CCDC77: variants seen among roughly 807,000 people sequenced by gnomAD.
The protein encoded by CCDC77 is coiled-coil domain containing 77.
Under a neutral mutation model 66.8 loss-of-function variants are expected in CCDC77, and 56 were observed. The observed-to-expected ratio is 0.84, with a 90% CI of 0.68 to 1.05. CCDC77 has a LOEUF of 1.05. Ranked by LOEUF, CCDC77 falls within the 50% of genes least tolerant of loss-of-function variation. The pLI is 0.00. For missense variants in CCDC77, 570 were observed against 576.8 expected, an observed-to-expected ratio of 0.99 and a Z score of 0.12; for synonymous variants, 196 against 195.2, an observed-to-expected ratio of 1.00 and a Z score of -0.03.
At chr12:428,249 C>A (rs1216193287) in intron 5 of CCDC77, among the ~76,000 whole-genome samples, 2 of 151,866 alleles carry the variant, frequency 1.3e-5, no homozygotes, top group Admixed American at 1.3e-4. Flanking sequence ...GCAGTGGCTC[C>A]CGCCTGTAAT....
chr12:413,234 G>A (rs928669997), intron 4 of CCDC77, among the ~76,000 whole-genome samples: 17 of 149,018 alleles, frequency 1.1e-4, no homozygotes, highest in Admixed American at 8.1e-4. Flanking sequence ...AACCGTGCCC[G>A]GCCTGTTTTT....
intron 5 of CCDC77, among the ~76,000 whole-genome samples, chr12:423,494 G>GTTTTTTTTT (rs56233976): frequency 8.5e-5 from 3 of 35,414 alleles, no homozygotes; most frequent in Admixed American, 7.7e-4. Context: ...TTTTTGTTTT[G>GTTTTTTTTT]TTTTTTTTTT....
intron 8 of CCDC77, 61 bp from the exon 9 acceptor site, chr12:433,113 C>G (rs1291412940): frequency 1.3e-6 from 2 of 1,514,530 alleles, no homozygotes; most frequent in Non-Finnish European, 1.8e-6. Context: ...CTCACTTTTC[C>G]TAGAGGTATG....
At chr12:436,239 T>A (rs1317793218) in intron 9 of CCDC77, among the ~76,000 whole-genome samples, 7 of 150,230 alleles carry the variant, frequency 4.7e-5, no homozygotes, top group Admixed American at 3.4e-4. Context: ...TGCCTCAGCC[T>A]CCTGAGTAGC....
chr12:436,018 A>T (rs1322809136), intron 9 of CCDC77, among the ~76,000 whole-genome samples: 2 of 151,778 alleles, frequency 1.3e-5, no homozygotes, highest in African/African-American at 4.8e-5. Flanking sequence ...GAGATTACAG[A>T]CATGAGCCAC....
intron 1 of CCDC77, among the ~76,000 whole-genome samples, chr12:403,368 A>G (rs1175534661): frequency 6.6e-6 from 1 of 152,254 alleles, no homozygotes; most frequent in Non-Finnish European, 1.5e-5. Flanking sequence ...AACCTATGAC[A>G]TAGAAGTAAC....
intron 7 of CCDC77, among the ~76,000 whole-genome samples, chr12:431,212 C>CTTTTTTTTTTTTTTT (rs61068771): frequency 1.7e-5 from 2 of 115,778 alleles, no homozygotes; most frequent in Non-Finnish European, 1.9e-5. Flanking sequence ...TTGCTCAGTT[C>CTTTTTTTTTTTTTTT]TTTTTTTTTT....
In CCDC77 at chr12:411,908, C is replaced by T. The variant is rs140224195; in HGVS notation, c.200C>T (p.Ala67Val). Residue 67 changes from alanine to valine, a missense_variant, in exon 4 of 13, where the codon GCT (alanine) becomes GTT (valine). Coordinates refer to ENST00000239830, the MANE Select transcript of CCDC77 (RefSeq NM_032358.4). The part of the protein sequence containing the change: ...ELLEYYQKKM[A>V]ECEAENEDLL... ...CTGGAATATTATCAAAAGAAGATGG[C>T]TGAGTGTGAGGCAGAAAATGAGGAC... 2.6e-5 allele frequency: 42 copies of T among 1,613,802 alleles called. No individual in the cohort carries two copies. Among genetic ancestry groups the T allele is most frequent in the Non-Finnish European group, 3.5e-5 (41 of 1,179,988 alleles).
chr12:432,171 C>T (rs1000549664), intron 8 of CCDC77, among the ~76,000 whole-genome samples: 1 of 152,150 alleles, frequency 6.6e-6, no homozygotes, highest in Non-Finnish European at 1.5e-5. Flanking sequence ...TACTCTGAAC[C>T]TTCAATTCAA....
intron 1 of CCDC77, among the ~76,000 whole-genome samples, chr12:391,551 AAAAC>A (rs1375895538): frequency 1.3e-5 from 2 of 152,258 alleles, no homozygotes; most frequent in African/African-American, 4.8e-5. Flanking sequence ...AATTCCGAAT[AAAAC>A]AAGCCACTGA....
chr12:418,055 G>A lies in CCDC77; in HGVS notation c.271-439G>A, dbSNP rs148067926. Among the ~76,000 whole-genome samples the A allele has an allele frequency of 2.7e-3, 413 of 152,210 alleles. 14 individuals carry two copies. The East Asian group carries it at 0.071, about 26-fold the overall frequency. On this transcript the variant is annotated intron_variant, in intron 4 of 12. Coordinates refer to ENST00000239830, the MANE Select transcript of CCDC77 (RefSeq NM_032358.4). The stretch of plus-strand genomic sequence containing the variant: ...CAGTCAAGGCTGGGCATGGTGGCTC[G>A]TGCCTATAATCCCAGTACTTTGGGA...
intron 5 of CCDC77, among the ~76,000 whole-genome samples, chr12:422,673 G>GGAGCTCAGCTCACTGTAAC (rs1945426324): frequency 6.6e-6 from 1 of 152,194 alleles, no homozygotes; most frequent in Non-Finnish European, 1.5e-5. Context: ...ATCCACCAGT[G>GGAGCTCAGCTCACTGTAAC]GAGCTCAGCT....
At chr12:401,233 T>C (rs1944889438), upstream of CCDC77, among the ~76,000 whole-genome samples, 1 of 152,206 alleles carries the variant, frequency 6.6e-6, no homozygotes, top group Admixed American at 6.5e-5. Flanking sequence ...CACCCGGTCA[T>C]GGAAGAAGAA....
intron 4 of CCDC77, among the ~76,000 whole-genome samples, chr12:415,313 G>A (rs200552832): frequency 0.026 from 2,733 of 103,648 alleles, 338 homozygotes; most frequent in East Asian, 0.26. Flanking sequence ...ATAATATTAT[G>A]TTAATATAAT....
At chr12:422,276 C>T (rs569790442) in intron 5 of CCDC77, among the ~76,000 whole-genome samples, 2 of 152,354 alleles carry the variant, frequency 1.3e-5, no homozygotes, top group South Asian at 2.1e-4. Flanking sequence ...GTAAAACACA[C>T]ATAGCAAAAA....
chr12:398,107 A>G (rs958168821), upstream of CCDC77, among the ~76,000 whole-genome samples: 1 of 152,136 alleles, frequency 6.6e-6, no homozygotes, highest in Non-Finnish European at 1.5e-5. Flanking sequence ...TAAGACAACA[A>G]TGAAGTTGTT....
At chr12:411,543 C>T (rs1005640881) in intron 3 of CCDC77, among the ~76,000 whole-genome samples, 2 of 151,768 alleles carry the variant, frequency 1.3e-5, no homozygotes, top group Non-Finnish European at 2.9e-5. Context: ...GTCTTGAACC[C>T]CTGAGCTCAA....
rs1273852536 is a variant in CCDC77, at chr12:415,344, A to T, written c.271-3150A>T. 4.0e-5 allele frequency among the ~76,000 whole-genome samples: 4 copies of T among 100,246 alleles called. 1 individual carries two copies. Among genetic ancestry groups the T allele is most frequent in the African/African-American group, 1.1e-4 (3 of 27,196 alleles). 65.8% of individuals were successfully genotyped at this position (100,246 alleles called of 152,430 possible). A position where few individuals can be genotyped will look rare whatever the true frequency, so the allele number is the denominator to read the frequency against. On this transcript the variant is annotated intron_variant, in intron 4 of 12. Coordinates refer to ENST00000239830, the MANE Select transcript of CCDC77 (RefSeq NM_032358.4). Reference sequence around the variant, plus strand: ...ATAATCAACATAATATTATGTTAATATAATCAACATAATATTATGTTAATA... The same window carrying T: ...ATAATCAACATAATATTATGTTAATTTAATCAACATAATATTATGTTAATA...
chr12:408,745 G>T (rs1945046416), intron 2 of CCDC77, among the ~76,000 whole-genome samples: 1 of 152,144 alleles, frequency 6.6e-6, no homozygotes, highest in Admixed American at 6.6e-5. Context: ...AAAGATTGTA[G>T]ATTTGTTTTT....
Sources: gnomAD v4.1 joint callset for allele counts (sites outside exome capture counted in the v4.1 genomes callset) on GRCh38, gnomAD v4.1.1 for gene constraint, MANE v1.5 for transcripts, NCBI Gene and HGNC (gene_info 2026-07-23, HGNC 2026-07-21) for gene names.